Variants in NOD1 observed in about 807,000 individuals in gnomAD.
NOD1 encodes the protein nucleotide binding oligomerization domain containing 1.
Under a neutral mutation model 81.2 loss-of-function variants are expected in NOD1, and 70 were observed. The ratio of observed to expected loss-of-function variants is 0.86; its 90% confidence interval spans 0.71 to 1.05. The LOEUF (loss-of-function observed/expected upper bound fraction) is 1.05. NOD1 is among the 50% of genes least tolerant of loss of function. NOD1 has a pLI of 0.00. For synonymous variants in NOD1, 508 were observed against 526.9 expected (o/e 0.96, Z 0.49); for missense variants, 1,233 against 1,228.0 (o/e 1.00, Z -0.06).
chr7:30,447,123 A>C (rs774867568), intron 7 of NOD1, 73 bp from the exon 8 acceptor site: 130 of 1,610,014 alleles, frequency 8.1e-5, no homozygotes, highest in Non-Finnish European at 1.1e-4. Context: ...TTTTTGAAGC[A>C]TATGGTGTCT....
intron 1 of NOD1, among the ~76,000 whole-genome samples, chr7:30,474,621 A>G (rs2128109960): frequency 6.6e-6 from 1 of 152,338 alleles, no homozygotes; most frequent in Non-Finnish European, 1.5e-5. Flanking sequence ...ATCTGATGCC[A>G]CCGCTGATCT....
chr7:30,435,461 C>G (rs1200417962), intron 11 of NOD1, among the ~76,000 whole-genome samples: 2 of 152,276 alleles, frequency 1.3e-5, no homozygotes, highest in African/African-American at 4.8e-5. Context: ...GCCTAGAAGG[C>G]CAAGGCCTCA....
In NOD1 at chr7:30,446,973, T is replaced by A; in HGVS notation, c.2363A>T (p.His788Leu). 1 of 1,613,454 alleles carries A rather than the reference T, an allele frequency of 6.2e-7. No homozygotes were observed. The highest frequency in any genetic ancestry group is 8.5e-7 in the Non-Finnish European group (1 of 1,179,534). ...KILDECKGLT[H>L]LKLGKNKITS... ...TGGTGCCTACCCCACTTACTTAAGA[T>A]GCGTGAGGCCTTTGCATTCATCCAG... is the stretch of plus-strand genomic sequence containing the variant. Residue 788 changes from histidine to leucine, a missense_variant, in exon 8 of 14, where the codon CAT (histidine) becomes CTT (leucine). By Grantham distance (99) the His-to-Leu change is moderately conservative. Coordinates refer to ENST00000222823, the MANE Select transcript of NOD1 (RefSeq NM_006092.4).
chr7:30,446,626 G>T, intron 8 of NOD1: 1 of 395,588 alleles, frequency 2.5e-6, no homozygotes, highest in South Asian at 3.2e-5. Context: ...CCTGCGCAGG[G>T]CACACCTACA....
At chr7:30,456,667 C>G in intron 4 of NOD1, 54 bp downstream of exon 4, 1 of 1,535,528 alleles carries the variant, frequency 6.5e-7, no homozygotes, top group East Asian at 2.3e-5. Context: ...GGAGAGGCCT[C>G]TTCTAGCTCC....
At chr7:30,474,140 G>C (rs770889992) in intron 1 of NOD1, among the ~76,000 whole-genome samples, 6 of 152,180 alleles carry the variant, frequency 3.9e-5, no homozygotes, top group Non-Finnish European at 5.9e-5. Context: ...AAAAGCCAAG[G>C]CTCAAGAAGA....
At chr7:30,448,229 G>C in intron 7 of NOD1, 69 bp downstream of exon 7, 1 of 1,270,636 alleles carries the variant, frequency 7.9e-7, no homozygotes, top group South Asian at 1.2e-5. Context: ...GGACCTATGG[G>C]AATGTGAATT....
chr7:30,451,956 C>G lies in NOD1; in HGVS notation c.1461G>C (p.Gly487=). The G allele has an allele frequency of 6.2e-7, 1 of 1,613,516 alleles. No homozygotes were observed. The highest frequency in any genetic ancestry group is 8.5e-7 in the Non-Finnish European group (1 of 1,180,006). ...VFTQEEVQAS[G]LQERDMQLGF... ...CCAGCTGCATGTCTCTCTCCTGCAG[C>G]CCGGAGGCCTGCACCTCCTCCTGGG... Residue 487 remains glycine, a synonymous_variant, in exon 6 of 14, where the codon GGG becomes GGC. Coordinates refer to ENST00000222823, the MANE Select transcript of NOD1 (RefSeq NM_006092.4). The surrounding 1 kb of genome is among the most constrained non-coding windows in gnomAD (Gnocchi z 4.2).
chr7:30,476,856 C>T (rs181491723), intron 1 of NOD1, among the ~76,000 whole-genome samples: 4 of 152,290 alleles, frequency 2.6e-5, no homozygotes, highest in Admixed American at 1.3e-4. Flanking sequence ...AGGAATGGAG[C>T]GTTGAAGGGA....
chr7:30,455,463 G>C, intron 4 of NOD1, 152 bp from the exon 5 acceptor site: 1 of 597,172 alleles, frequency 1.7e-6, no homozygotes, highest in Non-Finnish European at 2.9e-6. Flanking sequence ...TCAACATATT[G>C]GAGCCCGAAA....
At chr7:30,448,238 T>C (rs1448452338) in intron 7 of NOD1, 60 bp downstream of exon 7, 2 of 1,358,248 alleles carry the variant, frequency 1.5e-6, no homozygotes, top group African/African-American at 2.9e-5. Flanking sequence ...GGAATGTGAA[T>C]TCCCTGCAGC....
intron 9 of NOD1, among the ~76,000 whole-genome samples, chr7:30,445,756 CAAAA>C (rs35669955): frequency 5.3e-4 from 19 of 36,074 alleles, no homozygotes; most frequent in Admixed American, 1.3e-3. Context: ...GAGACTCTGT[CAAAA>C]AAAAAAAAAA....
chr7:30,448,559 G>A (rs963652979), intron 6 of NOD1, among the ~76,000 whole-genome samples, 178 bp from the exon 7 acceptor site: 1 of 152,284 alleles, frequency 6.6e-6, no homozygotes, highest in East Asian at 1.9e-4. Flanking sequence ...CCAACGTGGG[G>A]CCGCCAGACC....
chr7:30,465,661 T>C (rs1386835936), intron 1 of NOD1, among the ~76,000 whole-genome samples: 1 of 152,156 alleles, frequency 6.6e-6, no homozygotes, highest in Non-Finnish European at 1.5e-5. Flanking sequence ...TTCGCTCTTT[T>C]TTTTTTTCAT....
At chr7:30,433,243 C>T in intron 11 of NOD1, 64 bp from the exon 12 acceptor site, 2 of 1,337,138 alleles carry the variant, frequency 1.5e-6, no homozygotes, top group South Asian at 1.2e-5. Context: ...TTTTAGAGTT[C>T]ACAGGAGCGG....
At chr7:30,468,609 GAAC>G (rs1787947882) in intron 1 of NOD1, among the ~76,000 whole-genome samples, 1 of 152,154 alleles carries the variant, frequency 6.6e-6, no homozygotes, top group Admixed American at 6.5e-5. Flanking sequence ...TTTATTGAAT[GAAC>G]TAAGTTAAAG....
intron 13 of NOD1, among the ~76,000 whole-genome samples, chr7:30,426,167 C>A (rs1256594591): frequency 6.6e-6 from 1 of 152,104 alleles, no homozygotes; most frequent in Non-Finnish European, 1.5e-5. Flanking sequence ...GGGCTAAGCC[C>A]TTTTCCCCAC....
intron 1 of NOD1, among the ~76,000 whole-genome samples, chr7:30,465,691 T>A (rs1272650972): frequency 6.6e-6 from 1 of 151,942 alleles, no homozygotes; most frequent in African/African-American, 2.4e-5. Context: ...TCAAAATAAA[T>A]AACACAGCTT....
intron 10 of NOD1, among the ~76,000 whole-genome samples, chr7:30,436,461 G>C (rs886274854): frequency 2.6e-5 from 4 of 152,220 alleles, no homozygotes; most frequent in Admixed American, 2.6e-4. Context: ...TTCTGCTACT[G>C]TCCCCACCTT....
Sources: allele counts gnomAD v4.1 joint callset (sites outside exome capture counted in the v4.1 genomes callset), GRCh38; gene constraint gnomAD v4.1.1; non-coding constraint Gnocchi (gnomAD v3.1); transcripts MANE v1.5; gene names NCBI Gene and HGNC (gene_info 2026-07-23, HGNC 2026-07-21).